Variants in SOX5 observed in about 807,000 individuals in gnomAD.
SOX5 encodes transcription factor SOX-5.
A neutral mutation model predicts 92.0 loss-of-function variants in SOX5; 9 were observed. The ratio of observed to expected loss-of-function variants is 0.10; its 90% CI spans 0.06 to 0.17. The LOEUF (loss-of-function observed/expected upper bound fraction) is 0.17, where lower values mean the gene tolerates loss of function less well. SOX5 is among the 10% of genes least tolerant of loss of function. The pLI is 1.00. For synonymous variants in SOX5, 344 were observed against 336.3 expected (o/e 1.02, Z -0.25); for missense variants, 642 against 944.5 (o/e 0.68, Z 4.20).
At chr12:23,776,515 C>T (rs2095105238) in intron 3 of SOX5, among the ~76,000 whole-genome samples, 1 of 152,156 alleles carries the variant, frequency 6.6e-6, no homozygotes, top group Non-Finnish European at 1.5e-5. Context: ...ATGTTGAAGA[C>T]TTAGGCAAGA....
At chr12:23,797,322 C>T (rs1225475783) in intron 3 of SOX5, among the ~76,000 whole-genome samples, 4 of 152,008 alleles carry the variant, frequency 2.6e-5, no homozygotes, top group Non-Finnish European at 4.4e-5. Flanking sequence ...TGAGGATATA[C>T]ACAGATGTAT....
At chr12:24,524,922 C>T (rs1432417547) in intron 1 of SOX5, among the ~76,000 whole-genome samples, 2 of 152,150 alleles carry the variant, frequency 1.3e-5, no homozygotes, top group Non-Finnish European at 2.9e-5. Flanking sequence ...TAGGATCCTG[C>T]CACTGCACTC....
chr12:23,572,000 A>T (rs942908390), intron 10 of SOX5, among the ~76,000 whole-genome samples: 2 of 152,208 alleles, frequency 1.3e-5, no homozygotes, highest in African/African-American at 4.8e-5. Flanking sequence ...GAAAGATAAC[A>T]TCTGGTCAAA....
At chr12:23,995,268 T>G (rs180692030) in intron 4 of SOX5, among the ~76,000 whole-genome samples, 9 of 152,354 alleles carry the variant, frequency 5.9e-5, no homozygotes, top group Admixed American at 5.2e-4. Flanking sequence ...AGATAGATTA[T>G]GACTCTAAAT....
chr12:24,215,922 C>T (rs1269510765), intron 3 of SOX5, among the ~76,000 whole-genome samples: 2 of 152,082 alleles, frequency 1.3e-5, no homozygotes, highest in Non-Finnish European at 2.9e-5. Flanking sequence ...TCTAATGGCA[C>T]AGAATTGAGA....
chr12:23,724,002 C>A (rs1367079246), intron 6 of SOX5, among the ~76,000 whole-genome samples: 1 of 152,034 alleles, frequency 6.6e-6, no homozygotes, highest in Non-Finnish European at 1.5e-5. Flanking sequence ...TGGAAAATGT[C>A]TTTTCCTGAT....
intron 3 of SOX5, among the ~76,000 whole-genome samples, chr12:23,841,576 A>C (rs1346470859): frequency 6.6e-6 from 1 of 152,152 alleles, no homozygotes; most frequent in African/African-American, 2.4e-5. Context: ...AAGAATTGAT[A>C]AAATAGTGGT....
At chr12:24,516,177 G>A (rs1233662378) in intron 1 of SOX5, among the ~76,000 whole-genome samples, 4 of 151,684 alleles carry the variant, frequency 2.6e-5, no homozygotes, top group Non-Finnish European at 5.9e-5. Flanking sequence ...CGGGTACTTA[G>A]GACTACAAGC....
intron 1 of SOX5, chr12:23,919,942 T>C (rs911580628): frequency 9.2e-5 from 14 of 152,304 alleles, no homozygotes; most frequent in Middle Eastern, 3.4e-3. Flanking sequence ...GACTTTTGGA[T>C]AATTTGGATG....
At chr12:23,534,853 G>T (rs2135859689) in intron 14 of SOX5, among the ~76,000 whole-genome samples, 1 of 152,120 alleles carries the variant, frequency 6.6e-6, no homozygotes, top group Non-Finnish European at 1.5e-5. Flanking sequence ...GGGAATACAG[G>T]CGCCTGCCAC....
intron 4 of SOX5, among the ~76,000 whole-genome samples, chr12:24,084,989 G>T (rs1943796588): frequency 6.6e-6 from 1 of 151,976 alleles, no homozygotes; most frequent in African/African-American, 2.4e-5. Flanking sequence ...CCTTGTGGAA[G>T]AAGTGTTGTT....
At chr12:24,323,918 G>GA (rs1435741206) in intron 2 of SOX5, among the ~76,000 whole-genome samples, 1 of 152,058 alleles carries the variant, frequency 6.6e-6, no homozygotes, top group African/African-American at 2.4e-5. Context: ...ATTTCTTGGG[G>GA]AAAATGTTCA....
At chr12:23,627,098 G>A (rs982859389) in intron 8 of SOX5, among the ~76,000 whole-genome samples, 2 of 152,032 alleles carry the variant, frequency 1.3e-5, no homozygotes, top group Non-Finnish European at 2.9e-5. Context: ...TCTTTATTAT[G>A]ACAAATACTG....
At chr12:24,115,397 A>G (rs1555107921) in intron 4 of SOX5, among the ~76,000 whole-genome samples, 1 of 152,224 alleles carries the variant, frequency 6.6e-6, no homozygotes, top group Non-Finnish European at 1.5e-5. Flanking sequence ...ATTTTGACAC[A>G]TAAAATCTCC....
At chr12:24,193,009 G>C (rs1436910622) in intron 4 of SOX5, among the ~76,000 whole-genome samples, 1 of 152,110 alleles carries the variant, frequency 6.6e-6, no homozygotes, top group Non-Finnish European at 1.5e-5. Flanking sequence ...TATTAATGCA[G>C]GCTAAAATAA....
chr12:24,504,695 T>G (rs999058782), intron 1 of SOX5, among the ~76,000 whole-genome samples: 4 of 152,240 alleles, frequency 2.6e-5, no homozygotes, highest in African/African-American at 9.6e-5. Context: ...TCCTTCTTTT[T>G]GCATACAATG....
At chr12:23,743,645 G>GA (rs1208574440) in intron 4 of SOX5, among the ~76,000 whole-genome samples, 1 of 152,052 alleles carries the variant, frequency 6.6e-6, no homozygotes, top group Admixed American at 6.6e-5. Flanking sequence ...TCCACACTCA[G>GA]AAAAAACTTA....
chr12:23,751,709 G>A (rs1479131929), intron 4 of SOX5, among the ~76,000 whole-genome samples: 1 of 151,850 alleles, frequency 6.6e-6, no homozygotes, highest in African/African-American at 2.4e-5. Flanking sequence ...TTATCTCCTT[G>A]AATCCCTTAT....
chr12:24,425,949 C>T (rs1399228068), intron 1 of SOX5, among the ~76,000 whole-genome samples: 1 of 152,148 alleles, frequency 6.6e-6, no homozygotes, highest in Non-Finnish European at 1.5e-5. Context: ...CAGCTGTGCT[C>T]CATTGATTGA....
Sources: gnomAD v4.1 joint callset for allele counts (sites outside exome capture counted in the v4.1 genomes callset) on GRCh38, gnomAD v4.1.1 for gene constraint, MANE v1.5 for transcripts, NCBI Gene and HGNC (gene_info 2026-07-23, HGNC 2026-07-21) for gene names.